MYOM2: variants seen among roughly 807,000 people sequenced by gnomAD.
The protein encoded by MYOM2 is myomesin 2, also known as myomesin-2.
A neutral mutation model predicts 187.6 loss-of-function variants in MYOM2; 254 were observed. The observed-to-expected ratio is 1.35, with a 90% CI of 1.22 to 1.50. MYOM2 has a LOEUF of 1.50. Ranked by LOEUF, MYOM2 falls within the 40% of genes most tolerant of loss-of-function variation. MYOM2 has a pLI of 0.00. For missense variants in MYOM2, 2,796 were observed against 1,924.0 expected, an observed-to-expected ratio of 1.45 and a Z score of -8.48; for synonymous variants, 981 against 753.8, an observed-to-expected ratio of 1.30 and a Z score of -4.94.
intron 32 of MYOM2, among the ~76,000 whole-genome samples, chr8:2,129,792 G>T (rs1797788638): frequency 6.6e-6 from 1 of 152,138 alleles, no homozygotes; most frequent in African/African-American, 2.4e-5. Flanking sequence ...CTGCTGCCCT[G>T]CCTCTGGGTT....
At position 2,073,427 on chromosome 8, in the gene MYOM2, C is replaced by T. The variant is rs144735881; in HGVS notation, c.1047C>T (p.Asp349=). 38 of 1,612,904 alleles carry T rather than the reference C, an allele frequency of 2.4e-5. No individual in the cohort carries two copies. The highest frequency in any genetic ancestry group is 2.1e-4 in the African/African-American group (16 of 75,024). The part of the protein sequence containing the change: ...SLSFSHLHKD[D]EGLYTLRIVS... Reference sequence around the variant, plus strand: ...CCTTCAGCCACCTGCACAAGGACGACGAGGGCCTGTACACCCTGCGCATCG... The same window carrying T: ...CCTTCAGCCACCTGCACAAGGACGATGAGGGCCTGTACACCCTGCGCATCG... Residue 349 remains aspartate (D), a synonymous_variant, in exon 10 of 37, where the codon GAC becomes GAT. Transcript: ENST00000262113.
At chr8:2,130,148 G>A (rs756334597) in intron 32 of MYOM2, among the ~76,000 whole-genome samples, 5 of 46,354 alleles carry the variant, frequency 1.1e-4, no homozygotes, top group Non-Finnish European at 1.9e-4. Context: ...CGTCCCCACC[G>A]CGCCTTTAGT....
At chr8:2,100,081 CTTCTTT>C (rs1796638467) in intron 19 of MYOM2, among the ~76,000 whole-genome samples, 5 of 75,044 alleles carry the variant, frequency 6.7e-5, no homozygotes, top group Admixed American at 1.5e-4. Flanking sequence ...TCCTTCCTTT[CTTCTTT>C]CCTTCCTTCC....
chr8:2,108,721 C>A, intron 23 of MYOM2, 65 bp from the exon 24 acceptor site: 1 of 1,513,912 alleles, frequency 6.6e-7, no homozygotes, highest in Non-Finnish European at 9.2e-7. Context: ...TGTCGCCTTG[C>A]TGTTGTCTAC....
intron 28 of MYOM2, chr8:2,119,227 G>C (rs907000826): frequency 6.6e-6 from 1 of 152,294 alleles, no homozygotes; most frequent in Non-Finnish European, 1.5e-5. Flanking sequence ...GGGAATGCTT[G>C]GCTGTGGACA....
At chr8:2,134,989 C>T (rs906198317) in intron 32 of MYOM2, among the ~76,000 whole-genome samples, 1 of 152,110 alleles carries the variant, frequency 6.6e-6, no homozygotes, top group African/African-American at 2.4e-5. Context: ...CACGGAGGCA[C>T]ACACTCGCTC....
intron 27 of MYOM2, among the ~76,000 whole-genome samples, chr8:2,116,817 A>G (rs902008421): frequency 3.9e-5 from 6 of 152,062 alleles, no homozygotes; most frequent in African/African-American, 9.7e-5. Context: ...GAGTGCGGTG[A>G]TGCCATCTTG....
intron 6 of MYOM2, among the ~76,000 whole-genome samples, chr8:2,063,205 C>T (rs529756920): frequency 3.9e-5 from 6 of 152,336 alleles, no homozygotes; most frequent in East Asian, 3.9e-4. Context: ...CTTGTCTCAG[C>T]TGTTCATACC....
chr8:2,130,112 C>T (rs944755423), intron 32 of MYOM2, among the ~76,000 whole-genome samples: 2 of 151,280 alleles, frequency 1.3e-5, no homozygotes, highest in South Asian at 2.1e-4. Context: ...CTTTAGTTAA[C>T]GCCCCTCAGT....
chr8:2,113,009 A>T (rs532659595), intron 25 of MYOM2, among the ~76,000 whole-genome samples: 1 of 152,302 alleles, frequency 6.6e-6, no homozygotes, highest in African/African-American at 2.4e-5. Context: ...GGGTAAGATC[A>T]TTATTCAGGC....
intron 10 of MYOM2, among the ~76,000 whole-genome samples, chr8:2,074,152 A>G (rs912335942): frequency 1.3e-5 from 2 of 152,200 alleles, no homozygotes; most frequent in African/African-American, 4.8e-5. Flanking sequence ...ATATACAGAT[A>G]TATATATTTA....
chr8:2,141,122 A>G lies in MYOM2; in HGVS notation c.3965-19A>G, dbSNP rs1447098407. 6.2e-7 allele frequency: 1 copy of G among 1,610,514 alleles called. No individual in the cohort carries two copies. The highest frequency in any genetic ancestry group is 8.5e-7 in the Non-Finnish European group (1 of 1,177,278). On this transcript the variant is annotated intron_variant, in intron 33 of 36. Coordinates refer to ENST00000262113, the MANE Select transcript of MYOM2 (RefSeq NM_003970.4). ...TGAACACTGAAATGGTTAGTAACGT[A>G]TGAACTATTTCCTCACAGCTTTTGA...
At chr8:2,128,997 G>C in intron 31 of MYOM2, 130 bp from the exon 32 acceptor site, 1 of 592,144 alleles carries the variant, frequency 1.7e-6, no homozygotes. Context: ...GTGGCTGGCC[G>C]ACTTTATGAG....
chr8:2,141,232 C>T (rs539591283), intron 34 of MYOM2, 55 bp downstream of exon 34: 8 of 1,513,828 alleles, frequency 5.3e-6, no homozygotes, highest in South Asian at 2.3e-5. Flanking sequence ...GAGTCCCAGT[C>T]GTTTTGGCTG....
Position 2,096,211 on chromosome 8 carries a change from G to A in MYOM2, c.2126-36G>A, listed in dbSNP as rs1222793158. The A allele has an allele frequency of 2.5e-6, 4 of 1,592,406 alleles. No homozygotes were observed. The African/African-American group carries it at 4.0e-5, about 16-fold the overall frequency. ...CCCCGGGGACAAAGCCCCCAGCTGAGGCCCTCGGTAACTCCCTGGTTGTGC... is the reference window on the plus strand; with the variant it reads ...CCCCGGGGACAAAGCCCCCAGCTGAAGCCCTCGGTAACTCCCTGGTTGTGC... On this transcript the variant is annotated intron_variant, in intron 17 of 36. Coordinates refer to ENST00000262113, the MANE Select transcript of MYOM2 (RefSeq NM_003970.4).
rs1329139746 is a variant in MYOM2 at position 2,126,820 on chromosome 8, C to T, written c.3695-2307C>T. Among the ~76,000 whole-genome samples the T allele has an allele frequency of 4.5e-5, 5 of 112,328 alleles. No individual in the cohort carries two copies. In the East Asian group the frequency reaches 8.0e-4, roughly 18 times the overall value. The allele number at this position is 112,328 out of a possible 152,430, so 73.7% of individuals were successfully genotyped here. On this transcript the variant is annotated intron_variant, in intron 31 of 36. Transcript: ENST00000262113. Reference sequence around the variant, plus strand: ...GAGCACTGGGGGAGGCTGATAAAGTCTGGGGGAGCACTGGGAGAGGTTGAT... The same window carrying T: ...GAGCACTGGGGGAGGCTGATAAAGTTTGGGGGAGCACTGGGAGAGGTTGAT...
At chr8:2,118,338 C>T (rs1052465036) in intron 28 of MYOM2, among the ~76,000 whole-genome samples, 1 of 152,092 alleles carries the variant, frequency 6.6e-6, no homozygotes, top group African/African-American at 2.4e-5. Flanking sequence ...CTTTCAGTTT[C>T]GTTTAACAAT....
chr8:2,073,661 G>A (rs1398918553), intron 10 of MYOM2, among the ~76,000 whole-genome samples, 161 bp downstream of exon 10: 7 of 152,220 alleles, frequency 4.6e-5, no homozygotes, highest in Admixed American at 3.9e-4. Flanking sequence ...CAGTGCATGG[G>A]CACGCCAGGT....
At chr8:2,134,861 G>T (rs73657746) in intron 32 of MYOM2, among the ~76,000 whole-genome samples, 19,778 of 151,938 alleles carry the variant, frequency 0.13, 2,181 homozygotes, top group African/African-American at 0.28. Context: ...CTGCCCCATT[G>T]CTACAATCCC....
Sources: allele counts gnomAD v4.1 joint callset (sites outside exome capture counted in the v4.1 genomes callset), GRCh38; gene constraint gnomAD v4.1.1; transcripts MANE v1.5; gene names NCBI Gene and HGNC (gene_info 2026-07-23, HGNC 2026-07-21).